The following PAPSS1 variants were observed in gnomAD, a reference collection of about 807,000 sequenced individuals.
The protein encoded by PAPSS1 is bifunctional 3'-phosphoadenosine 5'-phosphosulfate synthase 1.
In PAPSS1, 50 loss-of-function variants were observed where a neutral mutation model predicts 72.0. The observed-to-expected ratio is 0.69, with a 90% confidence interval of 0.55 to 0.88. The LOEUF (loss-of-function observed/expected upper bound fraction) is 0.88. Among genes scored for constraint, PAPSS1 ranks in the 40% least tolerant of loss-of-function variants. The pLI, the probability that PAPSS1 is intolerant of heterozygous loss-of-function variation, is 0.00. For synonymous variants in PAPSS1, 261 were observed against 263.6 expected, an observed-to-expected ratio of 0.99 and a Z score of 0.09; for missense variants, 657 against 782.2, an observed-to-expected ratio of 0.84 and a Z score of 1.91.
At chr4:107,626,153 G>T (rs1002875781) in intron 11 of PAPSS1, among the ~76,000 whole-genome samples, 1 of 150,532 alleles carries the variant, frequency 6.6e-6, no homozygotes, top group South Asian at 2.1e-4. Flanking sequence ...ACTCCAGCCT[G>T]GGCAAAAGAG....
chr4:107,703,355 T>C (rs2340454), intron 1 of PAPSS1, among the ~76,000 whole-genome samples: 124,644 of 151,406 alleles, frequency 0.82, 53,239 homozygotes, highest in South Asian at 0.95. Context: ...CAATTTTTAT[T>C]TGATGTACTC....
intron 9 of PAPSS1, among the ~76,000 whole-genome samples, chr4:107,650,132 C>T (rs35296150): frequency 2.0e-5 from 3 of 152,106 alleles, no homozygotes; most frequent in Non-Finnish European, 4.4e-5. Flanking sequence ...AAAAGAAATC[C>T]TAGATTAAGA....
At chr4:107,693,476 T>A (rs1028349064) in intron 3 of PAPSS1, among the ~76,000 whole-genome samples, 2 of 152,190 alleles carry the variant, frequency 1.3e-5, no homozygotes, top group Non-Finnish European at 1.5e-5. Flanking sequence ...ATAGTTTTAT[T>A]AAGTTGAAAA....
chr4:107,624,001 C>T (rs1416105684), intron 11 of PAPSS1, among the ~76,000 whole-genome samples: 1 of 152,066 alleles, frequency 6.6e-6, no homozygotes, highest in Middle Eastern at 3.2e-3. Flanking sequence ...TTTTTATAAC[C>T]AATCCATACA....
At chr4:107,714,766 A>G (rs562884025) in intron 1 of PAPSS1, among the ~76,000 whole-genome samples, 2 of 152,284 alleles carry the variant, frequency 1.3e-5, no homozygotes, top group Non-Finnish European at 2.9e-5. Context: ...GGGCTGGTAA[A>G]ATCTCACGAT....
chr4:107,662,275 G>T (rs960039158), intron 5 of PAPSS1, among the ~76,000 whole-genome samples: 1 of 152,152 alleles, frequency 6.6e-6, no homozygotes, highest in Non-Finnish European at 1.5e-5. Context: ...AAGTGTGTGA[G>T]GCACAAACCC....
chr4:107,640,655 T>G lies in PAPSS1; in HGVS notation c.1506+4147A>C, dbSNP rs562431179. Among the ~76,000 whole-genome samples, 5 of 152,328 alleles carry G rather than the reference T, an allele frequency of 3.3e-5. No homozygotes were observed. In the East Asian group the frequency reaches 5.8e-4, roughly 18 times the overall value. Reference sequence around the variant, plus strand: ...AGGTCCTCGAGAAAGATACTTTTCCTAAGCAGCTCAATCCAACAGCCTAAA... The same window carrying G: ...AGGTCCTCGAGAAAGATACTTTTCCGAAGCAGCTCAATCCAACAGCCTAAA... On this transcript the variant is annotated intron_variant, in intron 10 of 11. Coordinates refer to ENST00000265174, the MANE Select transcript of PAPSS1 (RefSeq NM_005443.5).
intron 1 of PAPSS1, among the ~76,000 whole-genome samples, chr4:107,707,481 T>C (rs1457287707): frequency 2.0e-5 from 3 of 152,048 alleles, no homozygotes; most frequent in South Asian, 2.1e-4. Flanking sequence ...ATAGGTACCA[T>C]CCTGGAGTCT....
At chr4:107,658,365 A>G (rs1351088197) in intron 6 of PAPSS1, among the ~76,000 whole-genome samples, 5 of 147,222 alleles carry the variant, frequency 3.4e-5, no homozygotes, top group Non-Finnish European at 7.4e-5. Context: ...AAAAAAAAAA[A>G]AAAGAAAGGA....
At chr4:107,625,418 G>A (rs1256223435) in intron 11 of PAPSS1, among the ~76,000 whole-genome samples, 5 of 152,150 alleles carry the variant, frequency 3.3e-5, no homozygotes, top group Admixed American at 3.3e-4. Flanking sequence ...GCAACATGAG[G>A]GAGGTTCTAC....
chr4:107,668,297 A>C (rs938809603), intron 5 of PAPSS1, among the ~76,000 whole-genome samples: 1 of 152,248 alleles, frequency 6.6e-6, no homozygotes, highest in Admixed American at 6.5e-5. Context: ...AATGTAAATT[A>C]GATGCAATAA....
chr4:107,716,972 T>A (rs1194970263), intron 1 of PAPSS1, among the ~76,000 whole-genome samples: 1 of 152,160 alleles, frequency 6.6e-6, no homozygotes, highest in Non-Finnish European at 1.5e-5. Context: ...AATTTAACTA[T>A]GAAACCTTTA....
rs70947093 is a variant in PAPSS1 at position 107,713,773 on chromosome 4, G to GAA, written c.60+6345_60+6346dup. ...CTCTGTCTCAAACAAAAAAAAAAAA[G>GAA]AAAAAAAAATATGAAAGACAAAGAC... is the stretch of plus-strand genomic sequence containing the variant. On this transcript the variant is annotated intron_variant, in intron 1 of 11. Coordinates refer to ENST00000265174, the MANE Select transcript of PAPSS1 (RefSeq NM_005443.5). Among the ~76,000 whole-genome samples the GAA allele has an allele frequency of 5.5e-3, 810 of 146,506 alleles. 7 individuals are homozygous for GAA. Among genetic ancestry groups the GAA allele is most frequent in the African/African-American group, 0.019 (753 of 39,802 alleles).
At chr4:107,648,973 ATATTC>A (rs1189586072) in intron 9 of PAPSS1, among the ~76,000 whole-genome samples, 2 of 152,282 alleles carry the variant, frequency 1.3e-5, no homozygotes, top group Non-Finnish European at 2.9e-5. Context: ...TGGTAAATTC[ATATTC>A]TAAAGTATGG....
chr4:107,691,179 TA>T (rs879388900), intron 3 of PAPSS1, among the ~76,000 whole-genome samples: 224 of 143,570 alleles, frequency 1.6e-3, no homozygotes, highest in Middle Eastern at 3.6e-3. Context: ...AAATCTTGTT[TA>T]AAAAAAAAAA....
chr4:107,654,949 C>T (rs187989962), intron 7 of PAPSS1, 49 bp from the exon 8 acceptor site: 66 of 1,398,182 alleles, frequency 4.7e-5, no homozygotes, highest in East Asian at 4.6e-4. Context: ...TTACTCAACA[C>T]GCTTTACTTA....
Position 107,656,739 on chromosome 4 carries a change from CACTTAAA to C in PAPSS1, c.895+150_895+156del, listed in dbSNP as rs556005151. 2.0e-5 allele frequency among the ~76,000 whole-genome samples: 3 copies of C among 152,326 alleles called. No homozygotes were observed. In the South Asian group the frequency reaches 6.2e-4, roughly 32 times the overall value. ...AAAACGAAAATGAGATCTCATGATTCACTTAAATAAAGTGTTCGGTACTGATATAACT... is the reference window on the plus strand; with the variant it reads ...AAAACGAAAATGAGATCTCATGATTCTAAAGTGTTCGGTACTGATATAACT... On this transcript the variant is annotated intron_variant, in intron 7 of 11. Coordinates refer to ENST00000265174, the MANE Select transcript of PAPSS1 (RefSeq NM_005443.5).
At chr4:107,677,819 A>T (rs2110333949) in intron 5 of PAPSS1, among the ~76,000 whole-genome samples, 1 of 152,352 alleles carries the variant, frequency 6.6e-6, no homozygotes, top group Non-Finnish European at 1.5e-5. Flanking sequence ...GGATTAAGAA[A>T]ATGTGGCACA....
intron 5 of PAPSS1, among the ~76,000 whole-genome samples, chr4:107,678,889 CCT>C (rs1483262055): frequency 1.3e-5 from 2 of 152,148 alleles, no homozygotes; most frequent in Non-Finnish European, 2.9e-5. Flanking sequence ...TTCCCAGGGT[CCT>C]CTGTTTCTGG....
Sources: gnomAD v4.1 joint callset for allele counts (sites outside exome capture counted in the v4.1 genomes callset) on GRCh38, gnomAD v4.1.1 for gene constraint, MANE v1.5 for transcripts, NCBI Gene and HGNC (gene_info 2026-07-23, HGNC 2026-07-21) for gene names.